Variants in RARB observed in about 807,000 individuals in gnomAD.
RARB encodes HBV-activated protein.
Under a neutral mutation model 51.9 loss-of-function variants are expected in RARB, and 17 were observed. That is an observed-to-expected ratio of 0.33 (90% CI 0.22 to 0.49). The LOEUF is 0.49. Ranked by LOEUF, RARB falls within the 20% of genes least tolerant of loss-of-function variation. The pLI is 0.99. For missense variants in RARB, 369 were observed against 550.8 expected (o/e 0.67, Z 3.30); for synonymous variants, 215 against 195.4 (o/e 1.10, Z -0.84).
intron 5 of RARB, among the ~76,000 whole-genome samples, chr3:25,260,751 C>T (rs1204068663): frequency 6.6e-6 from 1 of 152,166 alleles, no homozygotes; most frequent in Non-Finnish European, 1.5e-5. Context: ...CCACTTAATT[C>T]AGCCTGATGT....
chr3:24,863,979 C>G (rs569392309), intron 2 of RARB, among the ~76,000 whole-genome samples: 3 of 152,132 alleles, frequency 2.0e-5, no homozygotes, highest in Admixed American at 6.5e-5. Flanking sequence ...TCCTGCCAAT[C>G]CCAATTCTTC....
intron 5 of RARB, among the ~76,000 whole-genome samples, chr3:25,309,382 A>G (rs138341692): frequency 0.028 from 3,955 of 143,398 alleles, 79 homozygotes; most frequent in Non-Finnish European, 0.044. Context: ...CTCGTGATCC[A>G]CCTGCCTTGG....
intron 2 of RARB, among the ~76,000 whole-genome samples, chr3:25,033,030 A>T (rs1311238090): frequency 6.6e-6 from 1 of 152,184 alleles, no homozygotes; most frequent in Non-Finnish European, 1.5e-5. Flanking sequence ...CTTCTACTCA[A>T]TTTCTAAAAT....
intron 2 of RARB, among the ~76,000 whole-genome samples, chr3:25,482,600 C>T (rs982837567): frequency 1.1e-4 from 13 of 119,768 alleles, no homozygotes; most frequent in Non-Finnish European, 1.8e-4. Context: ...AGTGCAGTGG[C>T]GTGATCTCGG....
chr3:24,885,703 A>G (rs1703253784), intron 2 of RARB, among the ~76,000 whole-genome samples: 2 of 152,138 alleles, frequency 1.3e-5, no homozygotes, highest in Admixed American at 1.3e-4. Flanking sequence ...AAGACAGAAA[A>G]CTAGAGTATA....
chr3:24,904,884 C>A (rs969965132), intron 2 of RARB, among the ~76,000 whole-genome samples: 2 of 152,124 alleles, frequency 1.3e-5, no homozygotes, highest in Non-Finnish European at 2.9e-5. Flanking sequence ...AAGCTGGAAA[C>A]CATCATTCTC....
intron 5 of RARB, among the ~76,000 whole-genome samples, chr3:25,322,631 A>G (rs957568094): frequency 6.6e-6 from 1 of 152,206 alleles, no homozygotes; most frequent in African/African-American, 2.4e-5. Context: ...TTTTATAATC[A>G]TATTTTTATA....
chr3:25,261,731 A>G (rs1455352451), intron 5 of RARB, among the ~76,000 whole-genome samples: 1 of 152,062 alleles, frequency 6.6e-6, no homozygotes, highest in Non-Finnish European at 1.5e-5. Flanking sequence ...ACTCGAGGGC[A>G]CCTTCATCTC....
At chr3:25,015,047 C>A (rs568780578) in intron 2 of RARB, among the ~76,000 whole-genome samples, 46 of 152,258 alleles carry the variant, frequency 3.0e-4, no homozygotes, top group African/African-American at 1.1e-3. Flanking sequence ...TGCTCGTAAT[C>A]AGGACTTTTC....
intron 2 of RARB, among the ~76,000 whole-genome samples, chr3:24,958,946 G>A (rs1213045985): frequency 6.6e-6 from 1 of 152,202 alleles, no homozygotes; most frequent in Non-Finnish European, 1.5e-5. Context: ...CTTGTGGGAG[G>A]GGGATCACAC....
intron 2 of RARB, among the ~76,000 whole-genome samples, chr3:24,927,585 C>T (rs1237243135): frequency 6.6e-6 from 1 of 151,878 alleles, no homozygotes; most frequent in Non-Finnish European, 1.5e-5. Context: ...TGGCTACAGC[C>T]CCAGAAACAT....
intron 4 of RARB, 59 bp downstream of exon 4, chr3:25,569,977 T>C: frequency 6.8e-7 from 1 of 1,462,270 alleles, no homozygotes. Flanking sequence ...CGTGCATGTG[T>C]GCAGACACAC....
At chr3:25,505,892 A>G (rs1697561251) in intron 3 of RARB, among the ~76,000 whole-genome samples, 1 of 152,222 alleles carries the variant, frequency 6.6e-6, no homozygotes, top group Admixed American at 6.5e-5. Flanking sequence ...TAACATTTGG[A>G]TTATGAAAGA....
At chr3:25,014,753 G>T (rs972844277) in intron 2 of RARB, among the ~76,000 whole-genome samples, 4 of 152,038 alleles carry the variant, frequency 2.6e-5, no homozygotes, top group Non-Finnish European at 5.9e-5. Flanking sequence ...GAGCTAGAGA[G>T]TGAGATGGAC....
intron 2 of RARB, among the ~76,000 whole-genome samples, chr3:25,048,054 C>T (rs1698253279): frequency 6.6e-6 from 1 of 152,164 alleles, no homozygotes; most frequent in South Asian, 2.1e-4. Context: ...GCCTTTGCTT[C>T]TTTTTTGCCT....
chr3:25,021,998 G>A (rs1484871452), intron 2 of RARB, among the ~76,000 whole-genome samples: 1 of 152,148 alleles, frequency 6.6e-6, no homozygotes, highest in African/African-American at 2.4e-5. Flanking sequence ...GGAGCTTGCA[G>A]TCTAGACTCT....
At chr3:25,363,175 T>G (rs1300674866) in intron 5 of RARB, among the ~76,000 whole-genome samples, 1 of 152,012 alleles carries the variant, frequency 6.6e-6, no homozygotes, top group Non-Finnish European at 1.5e-5. Context: ...TACAGAAAAC[T>G]ATAGTACAAA....
chr3:25,194,085 A>G (rs1367103843), intron 5 of RARB, among the ~76,000 whole-genome samples: 2 of 151,932 alleles, frequency 1.3e-5, no homozygotes, highest in African/African-American at 2.4e-5. Context: ...TAAAAAAGGA[A>G]GAGATCTTTC....
intron 5 of RARB, among the ~76,000 whole-genome samples, chr3:25,374,342 C>G (rs537247305): frequency 6.6e-6 from 1 of 152,200 alleles, no homozygotes; most frequent in East Asian, 1.9e-4. Context: ...GGGGTAAGTT[C>G]CCAGCAGGAA....
Sources: allele counts gnomAD v4.1 joint callset (sites outside exome capture counted in the v4.1 genomes callset), GRCh38; gene constraint gnomAD v4.1.1; transcripts MANE v1.5; gene names NCBI Gene and HGNC (gene_info 2026-07-23, HGNC 2026-07-21).